SLIT1: variants seen among roughly 807,000 people sequenced by gnomAD.
SLIT1 encodes the protein slit homolog 1 protein.
Under a neutral mutation model 186.1 loss-of-function variants are expected in SLIT1, and 66 were observed. That is an observed-to-expected ratio of 0.35 (90% confidence interval 0.29 to 0.44). SLIT1 has a LOEUF of 0.44. Ranked by LOEUF, SLIT1 falls within the 20% of genes least tolerant of loss-of-function variation. SLIT1 has a pLI of 1.00. For synonymous variants in SLIT1, 761 were observed against 833.8 expected (o/e 0.91, Z 1.50); for missense variants, 1,638 against 2,037.4 (o/e 0.80, Z 3.77).
intron 4 of SLIT1, among the ~76,000 whole-genome samples, chr10:97,126,795 A>T (rs530991775): frequency 6.5e-4 from 99 of 152,164 alleles, no homozygotes; most frequent in Non-Finnish European, 1.2e-3. Context: ...TTTCCAGAGG[A>T]AGCCCCTCAG....
At chr10:97,012,209 T>C (rs974849978) in intron 30 of SLIT1, among the ~76,000 whole-genome samples, 1 of 152,138 alleles carries the variant, frequency 6.6e-6, no homozygotes, top group African/African-American at 2.4e-5. Context: ...TCTGATACTT[T>C]GTTTCATCTT....
At position 97,063,520 on chromosome 10, in the gene SLIT1, G is replaced by A. The variant is rs534518230; in HGVS notation, c.728C>T (p.Ser243Leu). Residue 243 changes from serine to leucine, a missense_variant, in exon 8 of 37, where the codon TCG becomes TTG. Physicochemically the swap from Ser to Leu is moderately radical, Grantham distance 145. Coordinates refer to ENST00000266058, the MANE Select transcript of SLIT1 (RefSeq NM_003061.3). ...GAGGCCACGCAGGCTGGCTGGGCCCGAGCACTGGGTGAAGAGCCCGATGGT... is the reference window on the plus strand; with the variant it reads ...GAGGCCACGCAGGCTGGCTGGGCCCAAGCACTGGGTGAAGAGCCCGATGGT... Reference protein sequence around the residue: ...RPTIGLFTQCSGPASLRGLNV... With the variant: ...RPTIGLFTQCLGPASLRGLNV... 8.4e-5 allele frequency: 135 copies of A among 1,613,056 alleles called. 1 individual carries two copies. Among genetic ancestry groups the A allele is most frequent in the Admixed American group, 1.2e-4 (7 of 59,994 alleles).
intron 13 of SLIT1, among the ~76,000 whole-genome samples, chr10:97,049,752 T>A (rs1848770800): frequency 6.6e-6 from 1 of 152,208 alleles, no homozygotes; most frequent in Admixed American, 6.5e-5. Flanking sequence ...TTTACAGCTG[T>A]CTGTCAACAC....
intron 4 of SLIT1, among the ~76,000 whole-genome samples, chr10:97,151,291 T>C (rs971828002): frequency 8.3e-6 from 1 of 119,876 alleles, no homozygotes; most frequent in Non-Finnish European, 1.7e-5. Context: ...TGGAGGAAGG[T>C]GGGGAGGAGT....
chr10:96,999,932 T>A lies in SLIT1; in HGVS notation c.*1180A>T. 6.8e-6 allele frequency: 1 copy of A among 148,068 alleles called. No homozygotes were observed. The highest frequency in any genetic ancestry group is 2.1e-4 in the East Asian group (1 of 4,698). 9.2% of individuals were successfully genotyped at this position (148,068 alleles called of 1,614,324 possible). On this transcript the variant is annotated 3_prime_UTR_variant, in exon 37 of 37. Coordinates refer to ENST00000266058, the MANE Select transcript of SLIT1 (RefSeq NM_003061.3). ...ATACTTTTGATGTGATCAATGTAGA[T>A]AGATAGATAGATAGATAGGTCTTCT...
At chr10:97,180,261 C>T (rs1355954667) in intron 1 of SLIT1, among the ~76,000 whole-genome samples, 1 of 152,254 alleles carries the variant, frequency 6.6e-6, no homozygotes, top group African/African-American at 2.4e-5. Context: ...ATTTATTGAG[C>T]ACTCGCTGTC....
At chr10:97,156,846 T>TA (rs11401491) in intron 4 of SLIT1, among the ~76,000 whole-genome samples, 112,812 of 152,000 alleles carry the variant, frequency 0.74, 42,228 homozygotes, top group Admixed American at 0.83. Context: ...TGCTGACCCA[T>TA]AGCTCCTTCA....
At chr10:97,069,988 A>C (rs2134644936) in intron 4 of SLIT1, among the ~76,000 whole-genome samples, 1 of 152,186 alleles carries the variant, frequency 6.6e-6, no homozygotes, top group African/African-American at 2.4e-5. Flanking sequence ...AACCCAACCC[A>C]GGTCATAAGG....
intron 1 of SLIT1, among the ~76,000 whole-genome samples, chr10:97,170,129 C>G (rs1430945758): frequency 6.6e-6 from 1 of 152,236 alleles, no homozygotes; most frequent in East Asian, 1.9e-4. Flanking sequence ...GCGGCTCCCC[C>G]GCCAGGCTGA....
intron 4 of SLIT1, among the ~76,000 whole-genome samples, chr10:97,134,115 T>C (rs1025893144): frequency 4.6e-5 from 7 of 152,098 alleles, no homozygotes; most frequent in African/African-American, 1.4e-4. Flanking sequence ...GCAGGTCTTC[T>C]GCCATCTCAA....
At chr10:97,119,913 G>GTATACA (rs1849543601) in intron 4 of SLIT1, among the ~76,000 whole-genome samples, 1 of 56,510 alleles carries the variant, frequency 1.8e-5, no homozygotes, top group South Asian at 7.2e-4. Context: ...TTCCAAAGGG[G>GTATACA]TATATATATA....
intron 1 of SLIT1, among the ~76,000 whole-genome samples, chr10:97,173,771 G>A (rs559126348): frequency 2.0e-5 from 3 of 152,274 alleles, no homozygotes; most frequent in South Asian, 2.1e-4. Flanking sequence ...GGCAGGTATC[G>A]GAGGACTCTG....
At chr10:97,176,596 G>GA in intron 1 of SLIT1, among the ~76,000 whole-genome samples, 1 of 152,236 alleles carries the variant, frequency 6.6e-6, no homozygotes, top group South Asian at 2.1e-4. Flanking sequence ...CTTCTCCCAG[G>GA]AAACTGCTCT....
chr10:97,159,082 A>G (rs1190399514), intron 3 of SLIT1, among the ~76,000 whole-genome samples: 3 of 152,190 alleles, frequency 2.0e-5, no homozygotes, highest in African/African-American at 4.8e-5. Flanking sequence ...GGGGTGTCTG[A>G]GGGGTCTTAG....
chr10:97,079,012 G>C (rs1196544022), intron 4 of SLIT1, among the ~76,000 whole-genome samples: 1 of 152,210 alleles, frequency 6.6e-6, no homozygotes, highest in Non-Finnish European at 1.5e-5. Flanking sequence ...AAGAATTGAT[G>C]TATAGAGAAA....
At chr10:97,030,873 T>C (rs1270704141) in intron 24 of SLIT1, 45 bp from the exon 25 acceptor site, 2 of 1,534,128 alleles carry the variant, frequency 1.3e-6, no homozygotes, top group Non-Finnish European at 1.8e-6. Context: ...GGGACAGAGA[T>C]GGGAGACCTG....
rs760758077 is a variant in SLIT1, at chr10:97,043,546, C to T, written c.1854-33G>A. 397 of 1,597,986 alleles carry T rather than the reference C, an allele frequency of 2.5e-4. 1 individual carries two copies. The highest frequency in any genetic ancestry group is 3.2e-4 in the Non-Finnish European group (374 of 1,170,196). ...GGAACGGGGGAGGGAGGAGGGGACC[C>T]TTGCTGCCCTGCCAGCCATCCACCT... On this transcript the variant is annotated intron_variant, in intron 18 of 36. Coordinates refer to ENST00000266058, the MANE Select transcript of SLIT1 (RefSeq NM_003061.3). This position sits in a 1 kb window ranked among gnomAD's most constrained non-coding sequence, Gnocchi z 7.0.
At chr10:97,040,399 G>A (rs1017880752) in intron 20 of SLIT1, among the ~76,000 whole-genome samples, 8 of 152,240 alleles carry the variant, frequency 5.3e-5, no homozygotes, top group East Asian at 1.9e-4. Flanking sequence ...GAGGATGGCC[G>A]CGCACCATCC....
In SLIT1 at chr10:97,165,491, AGAACTGCACACGACGGGGAGG is replaced by A. The variant is rs1850092459; in HGVS notation, c.198-622_198-602del. ...TCAAGCTGAGGCCCAAAGACAAGGA[AGAACTGCACACGACGGGGAGG>A]GAGCAGACGTGCCCCAAGGACCACA... is the stretch of plus-strand genomic sequence containing the variant. On this transcript the variant is annotated intron_variant, in intron 1 of 36. Coordinates refer to ENST00000266058, the MANE Select transcript of SLIT1 (RefSeq NM_003061.3). Among the ~76,000 whole-genome samples, 15 of 152,226 alleles carry A rather than the reference AGAACTGCACACGACGGGGAGG, an allele frequency of 9.9e-5. No individual in the cohort carries two copies. The South Asian group carries it at 2.9e-3, about 30-fold the overall frequency.
Sources: allele counts gnomAD v4.1 joint callset (sites outside exome capture counted in the v4.1 genomes callset), GRCh38; gene constraint gnomAD v4.1.1; non-coding constraint Gnocchi (gnomAD v3.1); transcripts MANE v1.5; gene names NCBI Gene and HGNC (gene_info 2026-07-23, HGNC 2026-07-21).